Variants in LCORL observed in about 807,000 individuals in gnomAD.
LCORL encodes the protein ligand dependent nuclear receptor corepressor like, also known as ligand-dependent nuclear receptor corepressor-like protein.
Under a neutral mutation model 141.8 loss-of-function variants are expected in LCORL, and 41 were observed. The ratio of observed to expected loss-of-function variants is 0.29; its 90% confidence interval spans 0.23 to 0.38. The LOEUF (loss-of-function observed/expected upper bound fraction) is 0.38. Among genes scored for constraint, LCORL ranks in the 10% least tolerant of loss-of-function variants. The pLI, the probability that LCORL is intolerant of heterozygous loss-of-function variation, is 1.00. For synonymous variants in LCORL, 618 were observed against 694.1 expected (o/e 0.89, Z 1.72); for missense variants, 1,759 against 2,035.0 (o/e 0.86, Z 2.61).
chr4:17,924,924 C>T (rs909493805), intron 4 of LCORL, among the ~76,000 whole-genome samples: 1 of 152,196 alleles, frequency 6.6e-6, no homozygotes, highest in Admixed American at 6.5e-5. Context: ...GTATATGGTA[C>T]TGTTTCTCCC....
At chr4:17,940,447 T>A (rs1453767126) in intron 4 of LCORL, among the ~76,000 whole-genome samples, 1 of 147,562 alleles carries the variant, frequency 6.8e-6, no homozygotes. Context: ...TATAGTAATA[T>A]ATATGTAATA....
intron 4 of LCORL, among the ~76,000 whole-genome samples, chr4:17,915,116 C>A (rs1202250738): frequency 6.6e-6 from 1 of 152,234 alleles, no homozygotes; most frequent in South Asian, 2.1e-4. Flanking sequence ...TTTCCCTCCT[C>A]CTCTATCTCC....
At chr4:17,918,518 T>C (rs1733802835) in intron 4 of LCORL, among the ~76,000 whole-genome samples, 1 of 152,090 alleles carries the variant, frequency 6.6e-6, no homozygotes, top group Admixed American at 6.5e-5. Flanking sequence ...AAAGTTATAA[T>C]AAAGAACCAG....
At chr4:17,873,763 A>T in exon 7 of LCORL, 2 of 1,234,104 alleles carry the variant, frequency 1.6e-6, no homozygotes, top group Non-Finnish European at 2.0e-6. Context: ...TTTAGCTTAA[A>T]AGTATTTCTG....
intron 1 of LCORL, among the ~76,000 whole-genome samples, chr4:18,011,441 A>C (rs566435683): frequency 2.6e-5 from 4 of 152,262 alleles, no homozygotes; most frequent in African/African-American, 4.8e-5. Context: ...AAAAAAAAAA[A>C]AAAACAACTT....
intron 5 of LCORL, among the ~76,000 whole-genome samples, chr4:17,890,227 C>T (rs1381693109): frequency 6.6e-6 from 1 of 152,002 alleles, no homozygotes; most frequent in Non-Finnish European, 1.5e-5. Context: ...AATTTATTTC[C>T]CACATCCTTG....
exon 3 of LCORL, chr4:17,963,019 G>T: frequency 6.3e-7 from 1 of 1,596,386 alleles, no homozygotes; most frequent in Non-Finnish European, 8.5e-7. Flanking sequence ...TTCATCCATA[G>T]ACCAGTCAGT....
rs113031124 is a variant in LCORL, at chr4:17,898,757, G to A, written c.682+10337C>T. Among the ~76,000 whole-genome samples, 727 of 148,246 alleles carry A rather than the reference G, an allele frequency of 4.9e-3. 3 individuals carry two copies. The highest frequency in any genetic ancestry group is 0.017 in the African/African-American group (689 of 39,916). ...ATATTTGGATTATTTCCAATGTCCT[G>A]CTATTACAATTAATGTCCCAGTGAA... On this transcript the variant is annotated intron_variant, in intron 5 of 7. Transcript: ENST00000635767.
intron 6 of LCORL, chr4:17,882,096 T>C: frequency 2.0e-6 from 2 of 984,530 alleles, no homozygotes; most frequent in Non-Finnish European, 2.4e-6. Flanking sequence ...TTTCTCACTC[T>C]TCAGTTTCTT....
At chr4:17,913,454 G>C (rs1348980487) in intron 4 of LCORL, among the ~76,000 whole-genome samples, 1 of 152,196 alleles carries the variant, frequency 6.6e-6, no homozygotes, top group Non-Finnish European at 1.5e-5. Context: ...GGTGGAAGTG[G>C]TCAAGTCAAA....
exon 8 of LCORL, chr4:17,845,466 A>AACTT: frequency 3.2e-6 from 1 of 315,358 alleles, no homozygotes; most frequent in Non-Finnish European, 5.8e-6. Context: ...TACGTATTTA[A>AACTT]ACTTAGGGCA....
chr4:17,847,436 CACT>C (rs1723063580), intron 7 of LCORL, among the ~76,000 whole-genome samples: 2 of 152,250 alleles, frequency 1.3e-5, no homozygotes, highest in South Asian at 4.1e-4. Flanking sequence ...GTTTTACCAC[CACT>C]AACATATCTA....
At chr4:17,949,550 C>G (rs1739402252) in intron 4 of LCORL, among the ~76,000 whole-genome samples, 2 of 152,060 alleles carry the variant, frequency 1.3e-5, no homozygotes, top group African/African-American at 4.8e-5. Flanking sequence ...AATCAAGAAC[C>G]CTGATACGGG....
intron 4 of LCORL, among the ~76,000 whole-genome samples, chr4:17,931,916 CCTT>C (rs1165049164): frequency 2.0e-5 from 3 of 151,992 alleles, no homozygotes; most frequent in Non-Finnish European, 4.4e-5. Context: ...GTGTATTTGT[CCTT>C]CTGAATTCTC....
chr4:17,845,904 G>A lies in LCORL; in HGVS notation c.5603-3C>T, dbSNP rs1383697272. Reference sequence around the variant, plus strand: ...CATCAGTTTTCACTTGTAGCATGCTGGAAGAAAAAGTGTAAGGCATTTTAG... The same window carrying A: ...CATCAGTTTTCACTTGTAGCATGCTAGAAGAAAAAGTGTAAGGCATTTTAG... On this transcript the variant is annotated splice_polypyrimidine_tract_variant and splice_region_variant and intron_variant, in intron 7 of 7. Transcript: ENST00000635767. The A allele has an allele frequency of 1.3e-6, 2 of 1,590,672 alleles. No individual in the cohort carries two copies. Among genetic ancestry groups the A allele is most frequent in the East Asian group, 2.2e-5 (1 of 44,582 alleles).
chr4:17,916,536 T>C (rs1733444317), intron 4 of LCORL, among the ~76,000 whole-genome samples: 1 of 152,146 alleles, frequency 6.6e-6, no homozygotes, highest in South Asian at 2.1e-4. Context: ...CTTTCTGCCA[T>C]GATTGTAAGC....
intron 4 of LCORL, among the ~76,000 whole-genome samples, chr4:17,920,676 C>T (rs1488092012): frequency 6.6e-6 from 1 of 152,238 alleles, no homozygotes; most frequent in African/African-American, 2.4e-5. Context: ...ACTCCTTTAT[C>T]AACTAAGTTT....
At position 18,021,683 on chromosome 4, in the gene LCORL, C is replaced by G. The variant is rs888541058; in HGVS notation, c.69G>C (p.Gln23His). 19 of 1,537,904 alleles carry G rather than the reference C, an allele frequency of 1.2e-5. No individual in the cohort carries two copies. In the Admixed American group the frequency reaches 3.5e-4, roughly 28 times the overall value. ...CCGCCGCGCACCGAGGGCTCCGGCACTGAGCGGCGGCGGCGGCGGCGGCAG... is the reference window on the plus strand; with the variant it reads ...CCGCCGCGCACCGAGGGCTCCGGCAGTGAGCGGCGGCGGCGGCGGCGGCAG... Residue 23 changes from glutamine (Q) to histidine (H), a missense_variant, in exon 1 of 8, where the codon CAG becomes CAC. This residue lies in a region of LCORL where 86 missense variants were observed against 61.8 expected (regional missense o/e 1.39). Coordinates refer to ENST00000635767, the Ensembl canonical transcript of LCORL. This position sits in a 1 kb window ranked among gnomAD's most constrained non-coding sequence, Gnocchi z 5.5.
intron 1 of LCORL, among the ~76,000 whole-genome samples, chr4:17,996,617 A>G (rs914536372): frequency 1.3e-5 from 2 of 152,102 alleles, no homozygotes; most frequent in Admixed American, 6.5e-5. Context: ...TTATTCCTTT[A>G]AATGCAAGGT....
Sources: allele counts gnomAD v4.1 joint callset (sites outside exome capture counted in the v4.1 genomes callset), GRCh38; gene constraint gnomAD v4.1.1; regional missense constraint gnomAD v4.1.1; non-coding constraint Gnocchi (gnomAD v3.1); transcripts MANE v1.5; gene names NCBI Gene and HGNC (gene_info 2026-07-23, HGNC 2026-07-21).